Variants in PDPR observed in about 807,000 individuals in gnomAD.
The protein encoded by PDPR is pyruvate dehydrogenase phosphatase regulatory subunit, mitochondrial.
A neutral mutation model predicts 102.2 loss-of-function variants in PDPR; 50 were observed. The ratio of observed to expected loss-of-function variants is 0.49; its 90% CI spans 0.39 to 0.62. The LOEUF is 0.62. PDPR is among the 20% of genes least tolerant of loss of function. The pLI, the probability that PDPR is intolerant of heterozygous loss-of-function variation, is 0.00. For synonymous variants in PDPR, 259 were observed against 406.0 expected, an observed-to-expected ratio of 0.64 and a Z score of 4.35; for missense variants, 625 against 1,098.2, an observed-to-expected ratio of 0.57 and a Z score of 6.09.
At position 70,157,191 on chromosome 16, in the gene PDPR, G is replaced by C. The variant is rs1181703552; in HGVS notation, c.*312G>C. 1 of 599,774 alleles carries C rather than the reference G, an allele frequency of 1.7e-6. No individual in the cohort carries two copies. Among genetic ancestry groups the C allele is most frequent in the Admixed American group, 2.2e-5 (1 of 45,842 alleles). 37.2% of individuals were successfully genotyped at this position (599,774 alleles called of 1,614,324 possible). A position where few individuals can be genotyped will look rare whatever the true frequency, so the allele number is the denominator to read the frequency against. ...AGCTCCACTGTGGACATGAGTGATG[G>C]TGACAGCTGCTTTCAAATTCTGCAT... On this transcript the variant is annotated 3_prime_UTR_variant, in exon 19 of 19. Coordinates refer to ENST00000288050, the MANE Select transcript of PDPR (RefSeq NM_017990.5).
chr16:70,134,529 A>G (rs1376604811), intron 9 of PDPR, among the ~76,000 whole-genome samples: 1 of 148,194 alleles, frequency 6.7e-6, no homozygotes, highest in Non-Finnish European at 1.5e-5. Flanking sequence ...CTGGCCTTTA[A>G]GGCCTGTAAT....
chr16:70,148,542 A>G lies in PDPR; in HGVS notation c.2041A>G (p.Ile681Val). The change falls in exon 17 of 19, where the codon ATC becomes GTC. Residue 681 changes from isoleucine (I) to valine (V), a missense_variant. Physicochemically the swap from Ile to Val is conservative, Grantham distance 29 (BLOSUM62 3). Around this residue, in one of 11 missense-constraint regions of PDPR, gnomAD observed 36 missense variants for 62.8 expected, o/e 0.57. Transcript: ENST00000288050. ...HTGEPGFMLYIPIEYALHVYN... is the reference protein window; with the variant it reads ...HTGEPGFMLYVPIEYALHVYN... ...AGGAGAGCCAGGATTCATGCTCTACATCCCCATAGAGGTGAGAGGGCACCC... is the reference window on the plus strand; with the variant it reads ...AGGAGAGCCAGGATTCATGCTCTACGTCCCCATAGAGGTGAGAGGGCACCC... 6.2e-7 allele frequency: 1 copy of G among 1,611,782 alleles called. No homozygotes were observed. Among genetic ancestry groups the G allele is most frequent in the South Asian group, 1.1e-5 (1 of 90,782 alleles).
At chr16:70,132,581 G>T (rs921764077) in intron 9 of PDPR, among the ~76,000 whole-genome samples, 2 of 151,360 alleles carry the variant, frequency 1.3e-5, no homozygotes, top group African/African-American at 2.4e-5. Flanking sequence ...GCCTTGCTCC[G>T]TGCTCAGACT....
intron 2 of PDPR, chr16:70,120,250 CTG>C (rs1963097803): frequency 2.3e-6 from 1 of 436,224 alleles, no homozygotes; most frequent in African/African-American, 2.0e-5. Flanking sequence ...CGGGGTTTCA[CTG>C]TGTTAGCCAG....
intron 9 of PDPR, among the ~76,000 whole-genome samples, chr16:70,133,224 C>A (rs1178432844): frequency 8.7e-5 from 13 of 149,786 alleles, no homozygotes; most frequent in Non-Finnish European, 1.9e-4. Flanking sequence ...AAGTGATTCT[C>A]CTGCCTCAGC....
chr16:70,125,304 AG>A (rs1388777486), intron 3 of PDPR, among the ~76,000 whole-genome samples: 2 of 152,244 alleles, frequency 1.3e-5, no homozygotes, highest in African/African-American at 2.4e-5. Flanking sequence ...TGAACCTGGG[AG>A]GTGGAGGTTG....
rs757024121 is a variant in PDPR, at chr16:70,117,505, G to A, written c.-33+2575G>A. Reference sequence around the variant, plus strand: ...TGCACTCCAGCCTGGGCGACAGAGCGAGACTCCATCTCAAAAAAAATAAAT... The same window carrying A: ...TGCACTCCAGCCTGGGCGACAGAGCAAGACTCCATCTCAAAAAAAATAAAT... On this transcript the variant is annotated intron_variant, in intron 2 of 18. Transcript: ENST00000288050. 7.0e-4 allele frequency among the ~76,000 whole-genome samples: 106 copies of A among 151,872 alleles called. 1 individual carries two copies. Among genetic ancestry groups the A allele is most frequent in the Non-Finnish European group, 1.2e-3 (83 of 67,968 alleles).
In PDPR at chr16:70,143,570, CCTGTGGGCCA is replaced by C. The variant is rs1965950972; in HGVS notation, c.1668_1677del (p.Val557LeufsTer19). On this transcript the variant is annotated frameshift_variant, in exon 14 of 19. Transcript: ENST00000288050. LOFTEE classifies it high-confidence loss of function. ...CCTCTTCTCCAATGACCTGGATGTG[CCTGTGGGCCA>C]CATTGTGCATACTGGCATGCTCAAC... 1.9e-6 allele frequency: 3 copies of C among 1,613,002 alleles called. No individual in the cohort carries two copies. In the African/African-American group the frequency reaches 4.0e-5, roughly 22 times the overall value.
chr16:70,144,127 A>AG (rs1231364047), intron 14 of PDPR, among the ~76,000 whole-genome samples: 2 of 151,708 alleles, frequency 1.3e-5, no homozygotes, highest in African/African-American at 4.8e-5. Context: ...CCTGAGCTCA[A>AG]GCAATCTGCC....
intron 9 of PDPR, among the ~76,000 whole-genome samples, chr16:70,134,615 A>G (rs538661997): frequency 4.3e-4 from 65 of 151,486 alleles, no homozygotes; most frequent in African/African-American, 1.5e-3. Context: ...CAACATGGCA[A>G]AAACCCGTCT....
intron 7 of PDPR, among the ~76,000 whole-genome samples, chr16:70,130,971 C>A (rs1265510970): frequency 2.0e-5 from 3 of 152,284 alleles, no homozygotes; most frequent in African/African-American, 7.2e-5. Flanking sequence ...CTAAGAAATA[C>A]TTTTGCCATG....
Position 70,157,434 on chromosome 16 carries a change from T to C in PDPR, c.*555T>C, listed in dbSNP as rs1459147731. On this transcript the variant is annotated 3_prime_UTR_variant, in exon 19 of 19. Transcript: ENST00000288050. ...TACCTCTGGCAAGAGGATGATTATC[T>C]ACCTCACTGATAAGAGGCATCGCAT... is the stretch of plus-strand genomic sequence containing the variant. 1 of 353,628 alleles carries C rather than the reference T, an allele frequency of 2.8e-6. No individual in the cohort carries two copies. Among genetic ancestry groups the C allele is most frequent in the Non-Finnish European group, 5.5e-6 (1 of 180,374 alleles). 21.9% of individuals were successfully genotyped at this position (353,628 alleles called of 1,614,324 possible).
intron 3 of PDPR, among the ~76,000 whole-genome samples, chr16:70,126,842 T>G (rs1964027817): frequency 6.6e-6 from 1 of 152,254 alleles, no homozygotes; most frequent in South Asian, 2.1e-4. Context: ...ATCCAGAATT[T>G]TAAATCTGTC....
rs758435680 is a variant in PDPR, at chr16:70,127,312, C to T, written c.280C>T (p.His94Tyr). 6 of 1,610,242 alleles carry T rather than the reference C, an allele frequency of 3.7e-6. No individual in the cohort carries two copies. The highest frequency in any genetic ancestry group is 5.1e-6 in the Non-Finnish European group (6 of 1,177,872). The change falls in exon 4 of 19, where the codon CAC becomes TAC. Residue 94 changes from histidine to tyrosine, a missense_variant. His to Tyr is a moderately conservative substitution (Grantham distance 83, BLOSUM62 2). This residue lies in a region of PDPR where 24 missense variants were observed against 61.7 expected (regional missense o/e 0.39). Coordinates refer to ENST00000288050, the MANE Select transcript of PDPR (RefSeq NM_017990.5). ...TGCTGGCATCCTGAGCACTGCCAGG[C>T]ACTTGACCATTGAGCAGAAGATGGC... is the stretch of plus-strand genomic sequence containing the variant. ...FCAGILSTAR[H>Y]LTIEQKMADY...
At chr16:70,115,926 C>T (rs959697074) in intron 2 of PDPR, among the ~76,000 whole-genome samples, 3 of 152,118 alleles carry the variant, frequency 2.0e-5, no homozygotes, top group African/African-American at 7.2e-5. Context: ...TTGCTGCCAA[C>T]CTTATAGGTT....
chr16:70,156,813 C>T lies in PDPR; in HGVS notation c.2574C>T (p.Val858=), dbSNP rs372563859. ...RFQAKAKLYP[V]ASLFTQKRRK... ...AGGCCAAGGCCAAGCTCTACCCTGT[C>T]GCCTCCCTCTTCACCCAGAAGCGCC... The change falls in exon 19 of 19, where the codon GTC becomes GTT. Residue 858 remains valine (V), a synonymous_variant. Coordinates refer to ENST00000288050, the MANE Select transcript of PDPR (RefSeq NM_017990.5). 12 of 1,613,932 alleles carry T rather than the reference C, an allele frequency of 7.4e-6. No individual in the cohort carries two copies. The highest frequency in any genetic ancestry group is 6.7e-5 in the East Asian group (3 of 44,896).
At chr16:70,141,607 T>C (rs555791043) in intron 11 of PDPR, among the ~76,000 whole-genome samples, 1 of 152,410 alleles carries the variant, frequency 6.6e-6, no homozygotes, top group South Asian at 2.1e-4. Flanking sequence ...TTCTCTGCTA[T>C]GAAGCTTGGT....
At chr16:70,130,128 A>G (rs1292466967) in intron 6 of PDPR, among the ~76,000 whole-genome samples, 2 of 152,246 alleles carry the variant, frequency 1.3e-5, no homozygotes, top group African/African-American at 4.8e-5. Context: ...CCCCATCTCT[A>G]TTAAAAATAC....
chr16:70,149,573 A>G (rs1966537786), intron 17 of PDPR, among the ~76,000 whole-genome samples: 1 of 152,120 alleles, frequency 6.6e-6, no homozygotes, highest in Non-Finnish European at 1.5e-5. Context: ...GCCTCACTTC[A>G]CAATTTCTCT....
Sources: allele counts gnomAD v4.1 joint callset (sites outside exome capture counted in the v4.1 genomes callset), GRCh38; gene constraint gnomAD v4.1.1; regional missense constraint gnomAD v4.1.1; transcripts MANE v1.5; gene names NCBI Gene and HGNC (gene_info 2026-07-23, HGNC 2026-07-21).